The following CEP128 variants were observed in gnomAD, a reference collection of about 807,000 sequenced individuals.
CEP128 encodes the protein centrosomal protein 128kDa.
A neutral mutation model predicts 156.7 loss-of-function variants in CEP128; 132 were observed. The observed-to-expected ratio is 0.84, with a 90% CI of 0.73 to 0.97. CEP128 has a LOEUF of 0.97. CEP128 is among the 50% of genes least tolerant of loss of function. CEP128 has a pLI of 0.00. For synonymous variants in CEP128, 469 were observed against 448.9 expected (o/e 1.04, Z -0.57); for missense variants, 1,252 against 1,281.9 (o/e 0.98, Z 0.36).
At position 80,627,386 on chromosome 14, in the gene CEP128, C is replaced by T. The variant is rs1010500961; in HGVS notation, c.2807-46963G>A. On this transcript the variant is annotated intron_variant, in intron 19 of 24. Coordinates refer to ENST00000555265, the MANE Select transcript of CEP128 (RefSeq NM_152446.5). ...AGAACCTTGTTGAAAGACTCTTAGA[C>T]GTGATTAAAATAAATATTCATGCTC... Among the ~76,000 whole-genome samples, 10 of 152,280 alleles carry T rather than the reference C, an allele frequency of 6.6e-5. No homozygotes were observed. The East Asian group carries it at 1.7e-3, about 26-fold the overall frequency.
intron 9 of CEP128, among the ~76,000 whole-genome samples, chr14:80,852,449 G>C (rs1886938805): frequency 6.6e-6 from 1 of 151,536 alleles, no homozygotes. Flanking sequence ...AATCAATCAA[G>C]CATTCAATTT....
intron 13 of CEP128, among the ~76,000 whole-genome samples, chr14:80,799,822 T>A (rs1883730472): frequency 6.6e-6 from 1 of 152,164 alleles, no homozygotes; most frequent in South Asian, 2.1e-4. Context: ...CCCTGTTTTC[T>A]GTTATTTAAG....
chr14:80,561,773 A>G lies in CEP128; in HGVS notation c.2857-2471T>C, dbSNP rs150621109. Among the ~76,000 whole-genome samples the G allele has an allele frequency of 2.4e-3, 358 of 152,230 alleles. 1 individual carries two copies. The highest frequency in any genetic ancestry group is 8.2e-3 in the African/African-American group (342 of 41,522). ...TTAGCAGAGATAAACTGATAGCATT[A>G]TAAGTTGTGTATGAGTACCTTCATT... On this transcript the variant is annotated intron_variant, in intron 20 of 24. Transcript: ENST00000555265.
intron 18 of CEP128, among the ~76,000 whole-genome samples, chr14:80,749,858 A>G (rs1899299197): frequency 6.6e-6 from 1 of 152,242 alleles, no homozygotes; most frequent in Non-Finnish European, 1.5e-5. Context: ...TTGCATGCCT[A>G]TAGCAAAATA....
chr14:80,861,619 A>G (rs866822261), intron 9 of CEP128, among the ~76,000 whole-genome samples: 2 of 152,176 alleles, frequency 1.3e-5, no homozygotes, highest in African/African-American at 4.8e-5. Flanking sequence ...GTCATCACTC[A>G]TGATGACTGA....
intron 13 of CEP128, among the ~76,000 whole-genome samples, chr14:80,823,666 G>A (rs956672994): frequency 6.6e-6 from 1 of 151,788 alleles, no homozygotes; most frequent in Non-Finnish European, 1.5e-5. Context: ...ACCAGGTCAT[G>A]CTGATGCAAG....
intron 12 of CEP128, among the ~76,000 whole-genome samples, chr14:80,831,525 T>C (rs1885799129): frequency 6.6e-6 from 1 of 152,084 alleles, no homozygotes; most frequent in Non-Finnish European, 1.5e-5. Flanking sequence ...CTTAAAATGT[T>C]ACCTGATTTC....
intron 19 of CEP128, among the ~76,000 whole-genome samples, chr14:80,690,453 A>G (rs1269070583): frequency 6.6e-6 from 1 of 151,696 alleles, no homozygotes; most frequent in East Asian, 1.9e-4. Flanking sequence ...CTAACTAGCT[A>G]GGAATTTGAT....
intron 8 of CEP128, among the ~76,000 whole-genome samples, chr14:80,866,766 C>G (rs1352678029): frequency 2.0e-5 from 3 of 152,118 alleles, no homozygotes. Flanking sequence ...AATAAAGCAC[C>G]AGCAAGCAAT....
At chr14:80,951,375 A>G (rs1017883358) in intron 2 of CEP128, among the ~76,000 whole-genome samples, 28 of 152,250 alleles carry the variant, frequency 1.8e-4, no homozygotes, top group Admixed American at 1.6e-3. Context: ...TGGAGTATAA[A>G]CAAGCATTCA....
intron 9 of CEP128, among the ~76,000 whole-genome samples, chr14:80,854,661 A>C (rs1450895083): frequency 2.0e-5 from 3 of 152,172 alleles, no homozygotes; most frequent in African/African-American, 7.2e-5. Context: ...AGAATGTCTG[A>C]ATATTTCATA....
At chr14:80,611,770 C>T (rs1461047234) in intron 19 of CEP128, among the ~76,000 whole-genome samples, 1 of 152,054 alleles carries the variant, frequency 6.6e-6, no homozygotes, top group Non-Finnish European at 1.5e-5. Context: ...TTCTTAAAAA[C>T]TTAGATAGGC....
In CEP128 at chr14:80,582,446, T is replaced by C. The variant is rs938365582; in HGVS notation, c.2807-2023A>G. Among the ~76,000 whole-genome samples, 8 of 152,246 alleles carry C rather than the reference T, an allele frequency of 5.3e-5. No homozygotes were observed. The East Asian group carries it at 1.5e-3, about 29-fold the overall frequency. The stretch of plus-strand genomic sequence containing the variant: ...CAATAACAACTAGAGCAGGTCTGGA[T>C]GGGACGAGATATAGGTAGCATGAGC... On this transcript the variant is annotated intron_variant, in intron 19 of 24. Coordinates refer to ENST00000555265, the MANE Select transcript of CEP128 (RefSeq NM_152446.5).
At chr14:80,857,421 T>A (rs1388808811) in intron 9 of CEP128, among the ~76,000 whole-genome samples, 1 of 152,050 alleles carries the variant, frequency 6.6e-6, no homozygotes, top group Non-Finnish European at 1.5e-5. Flanking sequence ...AAAAGGCTGA[T>A]GGGTATAGGC....
chr14:80,904,729 C>A, intron 6 of CEP128, 84 bp downstream of exon 6: 2 of 814,098 alleles, frequency 2.5e-6, no homozygotes, highest in Non-Finnish European at 4.3e-6. Flanking sequence ...TAAAATATAG[C>A]CTTAAAGTTC....
chr14:80,553,063 TTTTCTTTC>T (rs1011662433), intron 21 of CEP128, among the ~76,000 whole-genome samples: 1 of 123,184 alleles, frequency 8.1e-6, no homozygotes, highest in African/African-American at 3.7e-5. Flanking sequence ...CACATTTCGG[TTTTCTTTC>T]TTTCTTTCTT....
chr14:80,929,122 T>A (rs964089591), intron 2 of CEP128, among the ~76,000 whole-genome samples: 1 of 150,276 alleles, frequency 6.7e-6, no homozygotes, highest in Non-Finnish European at 1.5e-5. Flanking sequence ...TGAAAAAAAA[T>A]GATCAACATC....
At chr14:80,759,865 A>C (rs1200218277) in intron 17 of CEP128, among the ~76,000 whole-genome samples, 1 of 151,624 alleles carries the variant, frequency 6.6e-6, no homozygotes, top group African/African-American at 2.4e-5. Flanking sequence ...TGCCCATAAC[A>C]AACTGTGTAT....
chr14:80,765,541 G>A (rs1329781322), intron 16 of CEP128, among the ~76,000 whole-genome samples: 5 of 152,154 alleles, frequency 3.3e-5, no homozygotes, highest in African/African-American at 1.2e-4. Flanking sequence ...GCAAAATGTG[G>A]TATATTAGAG....
Sources: gnomAD v4.1 joint callset for allele counts (sites outside exome capture counted in the v4.1 genomes callset) on GRCh38, gnomAD v4.1.1 for gene constraint, MANE v1.5 for transcripts, NCBI Gene and HGNC (gene_info 2026-07-23, HGNC 2026-07-21) for gene names.